The following NCBP3 variants were observed in gnomAD, a reference collection of about 807,000 sequenced individuals.
NCBP3 encodes the protein nuclear cap-binding protein subunit 3.
In NCBP3, 20 loss-of-function variants were observed where a neutral mutation model predicts 75.7. The ratio of observed to expected loss-of-function variants is 0.26; its 90% CI spans 0.19 to 0.38. The LOEUF is 0.38. NCBP3 is among the 10% of genes least tolerant of loss of function. The pLI is 1.00. For missense variants in NCBP3, 678 were observed against 796.9 expected (o/e 0.85, Z 1.80); for synonymous variants, 293 against 290.5 (o/e 1.01, Z -0.09).
chr17:3,843,406 T>C (rs1223609395), intron 1 of NCBP3, among the ~76,000 whole-genome samples: 1 of 152,052 alleles, frequency 6.6e-6, no homozygotes, highest in African/African-American at 2.4e-5. Flanking sequence ...CTAATTTTTT[T>C]TTTATTTTGT....
chr17:3,839,027 T>C (rs2054021336), intron 3 of NCBP3, among the ~76,000 whole-genome samples: 5 of 152,220 alleles, frequency 3.3e-5, no homozygotes, highest in African/African-American at 9.6e-5. Flanking sequence ...AATTTGCAAA[T>C]AACACAGAGG....
chr17:3,845,328 C>G (rs1445102642), intron 1 of NCBP3, among the ~76,000 whole-genome samples: 2 of 152,166 alleles, frequency 1.3e-5, no homozygotes, highest in Non-Finnish European at 2.9e-5. Flanking sequence ...GAGGAGTCAT[C>G]CAGGCCTGAA....
At chr17:3,838,192 C>G (rs908775819) in intron 3 of NCBP3, among the ~76,000 whole-genome samples, 1 of 152,142 alleles carries the variant, frequency 6.6e-6, no homozygotes, top group Non-Finnish European at 1.5e-5. Context: ...AGTGGGTGAG[C>G]AGAGATGCTC....
chr17:3,846,232 G>T lies in NCBP3; in HGVS notation c.-9C>A. 1.4e-6 allele frequency: 2 copies of T among 1,421,054 alleles called. No individual in the cohort carries two copies. Among genetic ancestry groups the T allele is most frequent in the Non-Finnish European group, 1.8e-6 (2 of 1,095,494 alleles). The allele number at this position is 1,421,054 out of a possible 1,614,324, so 88.0% of individuals were successfully genotyped here. ...CCCCGTACGGCCGCCATCGCTGCCT[G>T]CCGGCCGCACCACTGAGAGCCCGCC... On this transcript the variant is annotated 5_prime_UTR_variant, in exon 1 of 13. Coordinates refer to ENST00000389005, the MANE Select transcript of NCBP3 (RefSeq NM_001114118.3). The surrounding 1 kb of genome is among the most constrained non-coding windows in gnomAD (Gnocchi z 4.6).
chr17:3,832,351 T>C (rs2053892077), intron 3 of NCBP3, among the ~76,000 whole-genome samples: 1 of 119,194 alleles, frequency 8.4e-6, no homozygotes, highest in African/African-American at 2.5e-5. Context: ...AAGAATTTAA[T>C]GGGCAGGCGC....
rs2053350404 is a variant in NCBP3 at position 3,807,629 on chromosome 17, C to T, written c.*5415G>A. The T allele has an allele frequency of 6.6e-6, 1 of 152,148 alleles. No homozygotes were observed. Among genetic ancestry groups the T allele is most frequent in the Non-Finnish European group, 1.5e-5 (1 of 68,036 alleles). The allele number at this position is 152,148 out of a possible 1,614,324, so 9.4% of individuals were successfully genotyped here. The stretch of plus-strand genomic sequence containing the variant: ...CACAAAGAAACTTGCTCATTAGGAG[C>T]TTGCTTACTGGCTAGAAAGGAAAAT... On this transcript the variant is annotated 3_prime_UTR_variant, in exon 13 of 13. Transcript: ENST00000389005.
At chr17:3,844,497 G>A (rs575378948) in intron 1 of NCBP3, among the ~76,000 whole-genome samples, 1 of 152,296 alleles carries the variant, frequency 6.6e-6, no homozygotes, top group South Asian at 2.1e-4. Context: ...AACTCCAGGA[G>A]GGAGGTTGAG....
chr17:3,804,219 T>C lies in NCBP3; in HGVS notation c.*8825A>G, dbSNP rs1597386281. On this transcript the variant is annotated 3_prime_UTR_variant, in exon 13 of 13. Coordinates refer to ENST00000389005, the MANE Select transcript of NCBP3 (RefSeq NM_001114118.3). Reference sequence around the variant, plus strand: ...TTAAAAAAAAGTTGCAAAATGTTCATGGATGGAGGAGACGTGCTCGGCGTG... The same window carrying C: ...TTAAAAAAAAGTTGCAAAATGTTCACGGATGGAGGAGACGTGCTCGGCGTG... 6.6e-6 allele frequency: 1 copy of C among 152,062 alleles called. No individual in the cohort carries two copies. Among genetic ancestry groups the C allele is most frequent in the Non-Finnish European group, 1.5e-5 (1 of 67,980 alleles). 9.4% of individuals were successfully genotyped at this position (152,062 alleles called of 1,614,324 possible).
intron 2 of NCBP3, 132 bp downstream of exon 2, chr17:3,842,954 T>C: frequency 1.2e-6 from 1 of 820,660 alleles, no homozygotes; most frequent in Non-Finnish European, 1.9e-6. Context: ...AATAACACAA[T>C]TTTTTTTAGA....
At chr17:3,843,187 CA>C in intron 1 of NCBP3, 36 bp from the exon 2 acceptor site, 1 of 1,516,726 alleles carries the variant, frequency 6.6e-7, no homozygotes, top group Non-Finnish European at 8.9e-7. Flanking sequence ...ATTCAGACAG[CA>C]ATTGAGGAAA....
Position 3,812,303 on chromosome 17 carries a change from A to G in NCBP3, c.*741T>C, listed in dbSNP as rs1223940551. The stretch of plus-strand genomic sequence containing the variant: ...ATAATACAGACTTAAAAATTCTTCA[A>G]CATTGACCCATAATCCCACCCCAGC... On this transcript the variant is annotated 3_prime_UTR_variant, in exon 13 of 13. Transcript: ENST00000389005. 1.3e-5 allele frequency: 2 copies of G among 155,512 alleles called. No individual in the cohort carries two copies. The highest frequency in any genetic ancestry group is 2.4e-5 in the African/African-American group (1 of 41,510). 9.6% of individuals were successfully genotyped at this position (155,512 alleles called of 1,614,324 possible). A position where few individuals can be genotyped will look rare whatever the true frequency, so the allele number is the denominator to read the frequency against.
At position 3,808,876 on chromosome 17, in the gene NCBP3, T is replaced by A. The variant is rs1327641904; in HGVS notation, c.*4168A>T. The A allele has an allele frequency of 6.6e-6, 1 of 152,094 alleles. No individual in the cohort carries two copies. The highest frequency in any genetic ancestry group is 2.1e-4 in the South Asian group (1 of 4,824). The allele number at this position is 152,094 out of a possible 1,614,324, so 9.4% of individuals were successfully genotyped here. On this transcript the variant is annotated 3_prime_UTR_variant, in exon 13 of 13. Transcript: ENST00000389005. ...TATTCTCGGGGCAATAGTGAAGCTTTGGAAAACGTTCAAGCAGAGGAATAA... is the reference window on the plus strand; with the variant it reads ...TATTCTCGGGGCAATAGTGAAGCTTAGGAAAACGTTCAAGCAGAGGAATAA...
At chr17:3,820,659 G>A (rs1489118127) in intron 9 of NCBP3, among the ~76,000 whole-genome samples, 2 of 152,146 alleles carry the variant, frequency 1.3e-5, no homozygotes, top group African/African-American at 2.4e-5. Context: ...TTGGCTAGGC[G>A]CGGTAGCTCA....
rs191927349 is a variant in NCBP3 at position 3,821,356 on chromosome 17, C to A, written c.897-4G>T. 480 of 1,609,710 alleles carry A rather than the reference C, an allele frequency of 3.0e-4. 5 individuals are homozygous for A. The East Asian group carries it at 7.4e-3, about 25-fold the overall frequency. ...ACGGGAATGATATCTTCGCTTCCTG[C>A]AAGAATGCCAAAATAAGCACACAAT... On this transcript the variant is annotated splice_region_variant and splice_polypyrimidine_tract_variant and intron_variant, in intron 8 of 12. Transcript: ENST00000389005.
rs151075465 is a variant in NCBP3, at chr17:3,829,435, C to T, written c.356-67G>A. On this transcript the variant is annotated intron_variant, in intron 3 of 12. Coordinates refer to ENST00000389005, the MANE Select transcript of NCBP3 (RefSeq NM_001114118.3). Reference sequence around the variant, plus strand: ...TCCGCAACTGCACATCCCATCCACACTCCTTCCTAATAGTTCAGACAACAC... The same window carrying T: ...TCCGCAACTGCACATCCCATCCACATTCCTTCCTAATAGTTCAGACAACAC... 934 of 1,512,876 alleles carry T rather than the reference C, an allele frequency of 6.2e-4. 4 individuals are homozygous for T. In the African/African-American group the frequency reaches 6.9e-3, roughly 11 times the overall value. The allele number at this position is 1,512,876 out of a possible 1,614,324, so 93.7% of individuals were successfully genotyped here. A position where few individuals can be genotyped will look rare whatever the true frequency, so the allele number is the denominator to read the frequency against.
intron 6 of NCBP3, 86 bp from the exon 7 acceptor site, chr17:3,825,136 T>C (rs1329615522): frequency 5.8e-6 from 4 of 695,294 alleles, no homozygotes; most frequent in Non-Finnish European, 9.3e-6. Context: ...AGAAAAGCAT[T>C]CTACCTTTAA....
intron 1 of NCBP3, among the ~76,000 whole-genome samples, chr17:3,843,520 C>A (rs1348958729): frequency 6.6e-6 from 1 of 152,188 alleles, no homozygotes; most frequent in African/African-American, 2.4e-5. Context: ...ATGTGTGAGT[C>A]ATCACAACCA....
At chr17:3,831,582 G>A (rs2053880586) in intron 3 of NCBP3, among the ~76,000 whole-genome samples, 1 of 119,384 alleles carries the variant, frequency 8.4e-6, no homozygotes, top group African/African-American at 2.5e-5. Flanking sequence ...AAAAAAAAAG[G>A]GAAAGAAAAA....
At chr17:3,834,170 G>A (rs748498649) in intron 3 of NCBP3, among the ~76,000 whole-genome samples, 1 of 152,102 alleles carries the variant, frequency 6.6e-6, no homozygotes, top group Non-Finnish European at 1.5e-5. Context: ...GGAGAGAGAC[G>A]GATTACAATG....
Sources: allele counts gnomAD v4.1 joint callset (sites outside exome capture counted in the v4.1 genomes callset), GRCh38; gene constraint gnomAD v4.1.1; non-coding constraint Gnocchi (gnomAD v3.1); transcripts MANE v1.5; gene names NCBI Gene and HGNC (gene_info 2026-07-23, HGNC 2026-07-21).